Variants in COL8A2 observed in about 807,000 individuals in gnomAD.
COL8A2 encodes the protein collagen alpha-2(VIII) chain.
Under a neutral mutation model 24.0 loss-of-function variants are expected in COL8A2, and 16 were observed. The observed-to-expected ratio is 0.67, with a 90% CI of 0.45 to 1.01. The LOEUF is 1.01. COL8A2 is among the 50% of genes least tolerant of loss of function. The probability of loss-of-function intolerance (pLI) is 0.00; values close to 1 mark genes in which losing one functional copy is unlikely to be tolerated. For synonymous variants in COL8A2, 466 were observed against 424.5 expected, an observed-to-expected ratio of 1.10 and a Z score of -1.20; for missense variants, 818 against 942.4, an observed-to-expected ratio of 0.87 and a Z score of 1.73.
chr1:36,112,622 T>TA (rs1643859015), intron 2 of COL8A2, among the ~76,000 whole-genome samples: 1 of 152,122 alleles, frequency 6.6e-6, no homozygotes, highest in East Asian at 1.9e-4. Flanking sequence ...CCCCCGTCAC[T>TA]AAGTAAAAGT....
rs753145216 is a variant in COL8A2, at chr1:36,099,195, G to A, written c.486C>T (p.Gly162=). The A allele has an allele frequency of 5.3e-6, 8 of 1,519,032 alleles. No individual in the cohort carries two copies. The highest frequency in any genetic ancestry group is 7.1e-6 in the Non-Finnish European group (8 of 1,131,832). The allele number at this position is 1,519,032 out of a possible 1,614,324, so 94.1% of individuals were successfully genotyped here. ...QGLRGPPGPP[G]LPGPSGITIP... is the part of the protein sequence containing the mutation. ...TAGTAATGCCTGAGGGGCCCGGGAG[G>A]CCAGGGGGTCCTGGGGGTCCCCGGA... Residue 162 remains glycine, a synonymous_variant, in exon 4 of 4, where the codon GGC becomes GGT. Transcript: ENST00000397799.
At chr1:36,109,587 T>G (rs973878479) in intron 2 of COL8A2, among the ~76,000 whole-genome samples, 36 of 151,950 alleles carry the variant, frequency 2.4e-4, no homozygotes, top group Middle Eastern at 3.4e-3. Flanking sequence ...CACTCTTTTT[T>G]TTTTTTTTTC....
chr1:36,118,903 G>C (rs1323061644), intron 1 of COL8A2, among the ~76,000 whole-genome samples: 1 of 152,152 alleles, frequency 6.6e-6, no homozygotes, highest in Non-Finnish European at 1.5e-5. Flanking sequence ...AAATCATGTC[G>C]GATTAAGAGG....
At position 36,108,387 on chromosome 1, in the gene COL8A2, T is replaced by G. The variant is rs187782841; in HGVS notation, c.-17+7321A>C. 3.9e-5 allele frequency among the ~76,000 whole-genome samples: 6 copies of G among 152,336 alleles called. No homozygotes were observed. The South Asian group carries it at 8.3e-4, about 21-fold the overall frequency. On this transcript the variant is annotated intron_variant, in intron 2 of 3. Coordinates refer to ENST00000397799, the MANE Select transcript of COL8A2 (RefSeq NM_005202.4). ...CTGGCTCTGCCCACGACTGGCTGTG[T>G]GACCCTGGGTAAGCCATCACCCTCT...
chr1:36,103,111 T>C (rs987344522), intron 2 of COL8A2, among the ~76,000 whole-genome samples: 3 of 151,950 alleles, frequency 2.0e-5, no homozygotes, highest in African/African-American at 7.3e-5. Context: ...TCCTCCCAAG[T>C]AGCTGGGACA....
Position 36,098,095 on chromosome 1 carries a change from G to A in COL8A2, c.1586C>T (p.Pro529Leu), listed in dbSNP as rs753315893. 5 of 1,528,970 alleles carry A rather than the reference G, an allele frequency of 3.3e-6. No homozygotes were observed. Among genetic ancestry groups the A allele is most frequent in the South Asian group, 1.2e-5 (1 of 80,174 alleles). The allele number at this position is 1,528,970 out of a possible 1,614,324, so 94.7% of individuals were successfully genotyped here. Residue 529 changes from proline to leucine, a missense_variant, in exon 4 of 4, where the codon CCC becomes CTC. Physicochemically the swap from Pro to Leu is moderately conservative, Grantham distance 98. This residue lies in a region of COL8A2 where 235 missense variants were observed against 297.3 expected (regional missense o/e 0.79). Coordinates refer to ENST00000397799, the MANE Select transcript of COL8A2 (RefSeq NM_005202.4). ...GPPGPPGPPG[P>L]PGAPGAFDET... is the part of the protein sequence containing the mutation. The stretch of plus-strand genomic sequence containing the variant: ...ATCGAAGGCCCCAGGGGCACCAGGG[G>A]GTCCCGGGGGCCCGGGAGGCCCCGG...
intron 1 of COL8A2, among the ~76,000 whole-genome samples, chr1:36,118,901 T>C (rs1279049653): frequency 6.6e-6 from 1 of 152,206 alleles, no homozygotes; most frequent in East Asian, 1.9e-4. Flanking sequence ...AAAAATCATG[T>C]CGGATTAAGA....
At chr1:36,124,410 A>T (rs1215973025) in intron 1 of COL8A2, among the ~76,000 whole-genome samples, 2 of 152,118 alleles carry the variant, frequency 1.3e-5, no homozygotes, top group Non-Finnish European at 2.9e-5. Context: ...CTGGGACCCC[A>T]GTCCCTCTTG....
At position 36,121,388 on chromosome 1, in the gene COL8A2, CAAA is replaced by C. The variant is rs57902365; in HGVS notation, c.-62+3666_-62+3668del. On this transcript the variant is annotated intron_variant, in intron 1 of 3. Transcript: ENST00000397799. ...TGGGCGACAGAGCCAGACTCTGTCTCAAAAAAAAAAAAAAAAAAAAAAAAAGTT... is the reference window on the plus strand; with the variant it reads ...TGGGCGACAGAGCCAGACTCTGTCTCAAAAAAAAAAAAAAAAAAAAAAGTT... Among the ~76,000 whole-genome samples the C allele has an allele frequency of 8.8e-4, 42 of 47,648 alleles. No individual in the cohort carries two copies. The East Asian group carries it at 0.014, about 16-fold the overall frequency. The allele number at this position is 47,648 out of a possible 152,430, so 31.3% of individuals were successfully genotyped here.
chr1:36,120,067 T>C (rs780397378), intron 1 of COL8A2, among the ~76,000 whole-genome samples: 25 of 152,056 alleles, frequency 1.6e-4, no homozygotes, highest in Non-Finnish European at 3.1e-4. Flanking sequence ...GAAAATACCA[T>C]CCCAGCCCTC....
Position 36,098,744 on chromosome 1 carries a change from T to G in COL8A2, c.937A>C (p.Thr313Pro), listed in dbSNP as rs1250710742. The part of the protein sequence containing the change: ...TRGPPGLIGP[T>P]GYGMPGLPGP... ...GGCAGTCCTGGCATCCCATAGCCAG[T>G]GGGGCCTATCAGCCCAGGGGGGCCC... is the stretch of plus-strand genomic sequence containing the variant. The change falls in exon 4 of 4, where the codon ACT (threonine) becomes CCT (proline). Residue 313 changes from threonine (T) to proline (P), a missense_variant. Around this residue, in one of 3 missense-constraint regions of COL8A2, gnomAD observed 573 missense variants for 616.8 expected, o/e 0.93. Transcript: ENST00000397799. 8.1e-6 allele frequency: 13 copies of G among 1,611,140 alleles called. No individual in the cohort carries two copies. The East Asian group carries it at 2.9e-4, about 36-fold the overall frequency.
chr1:36,120,492 G>A (rs1335396669), intron 1 of COL8A2, among the ~76,000 whole-genome samples: 1 of 151,216 alleles, frequency 6.6e-6, no homozygotes, highest in Admixed American at 6.6e-5. Context: ...GCTCACGCCT[G>A]TAACCCCAGC....
chr1:36,113,273 G>A (rs1643863861), intron 2 of COL8A2, among the ~76,000 whole-genome samples: 2 of 152,182 alleles, frequency 1.3e-5, no homozygotes, highest in Admixed American at 1.3e-4. Context: ...CTCTGTCTCT[G>A]TGCGTCTCTC....
chr1:36,104,168 T>C (rs1008141382), intron 2 of COL8A2, among the ~76,000 whole-genome samples: 2 of 137,314 alleles, frequency 1.5e-5, no homozygotes, highest in Admixed American at 7.4e-5. Flanking sequence ...TACTCCAACC[T>C]GGGCAACAAG....
At chr1:36,109,010 C>T (rs896786878) in intron 2 of COL8A2, among the ~76,000 whole-genome samples, 7 of 152,170 alleles carry the variant, frequency 4.6e-5, no homozygotes, top group Admixed American at 4.6e-4. Context: ...GGACCCCAGG[C>T]ACCCGCTAGG....
rs529483117 is a variant in COL8A2, at chr1:36,109,469, G to A, written c.-17+6239C>T. 2.0e-5 allele frequency among the ~76,000 whole-genome samples: 3 copies of A among 152,264 alleles called. No homozygotes were observed. In the East Asian group the frequency reaches 5.8e-4, roughly 29 times the overall value. On this transcript the variant is annotated intron_variant, in intron 2 of 3. Transcript: ENST00000397799. ...GCCCCTGGACTCCTGTTTCAGCACA[G>A]CTACTTACCAGCTGGGTGATCTTGG...
In COL8A2 at chr1:36,096,366, T is replaced by C. The variant is rs1176934480; in HGVS notation, c.*1203A>G. 1 of 152,202 alleles carries C rather than the reference T, an allele frequency of 6.6e-6. No homozygotes were observed. The highest frequency in any genetic ancestry group is 1.5e-5 in the Non-Finnish European group (1 of 68,048). The allele number at this position is 152,202 out of a possible 1,614,324, so 9.4% of individuals were successfully genotyped here. ...AGCCAACTCATTCCCAAGGGACCTG[T>C]TGGCACCCTTTCTCTCCCAGCCTTA... On this transcript the variant is annotated 3_prime_UTR_variant, in exon 4 of 4. Coordinates refer to ENST00000397799, the MANE Select transcript of COL8A2 (RefSeq NM_005202.4).
intron 2 of COL8A2, among the ~76,000 whole-genome samples, chr1:36,106,271 A>C (rs1306847679): frequency 6.6e-6 from 1 of 151,530 alleles, no homozygotes; most frequent in East Asian, 1.9e-4. Flanking sequence ...CAAAAAAAAA[A>C]CAACAAAAAA....
intron 1 of COL8A2, among the ~76,000 whole-genome samples, chr1:36,116,063 A>AC (rs1643877567): frequency 6.6e-6 from 1 of 151,666 alleles, no homozygotes; most frequent in South Asian, 2.1e-4. Context: ...TGTCTCAAAA[A>AC]AAAAAAAAAG....
Sources: gnomAD v4.1 joint callset for allele counts (sites outside exome capture counted in the v4.1 genomes callset) on GRCh38, gnomAD v4.1.1 for gene constraint, gnomAD v4.1.1 regional missense constraint, MANE v1.5 for transcripts, NCBI Gene and HGNC (gene_info 2026-07-23, HGNC 2026-07-21) for gene names.